Variants in PPP2R5D observed in about 807,000 individuals in gnomAD.
PPP2R5D encodes serine/threonine-protein phosphatase 2A 56 kDa regulatory subunit delta isoform.
Under a neutral mutation model 79.1 loss-of-function variants are expected in PPP2R5D, and 12 were observed. That is an observed-to-expected ratio of 0.15 (90% CI 0.10 to 0.25). PPP2R5D has a LOEUF of 0.25. Among genes scored for constraint, PPP2R5D ranks in the 10% least tolerant of loss-of-function variants. The probability of loss-of-function intolerance (pLI) is 1.00; values close to 1 mark genes in which losing one functional copy is unlikely to be tolerated. For missense variants in PPP2R5D, 419 were observed against 760.2 expected, an observed-to-expected ratio of 0.55 and a Z score of 5.28; for synonymous variants, 277 against 286.6, an observed-to-expected ratio of 0.97 and a Z score of 0.34.
At chr6:42,989,013 C>T (rs1477178113) in intron 1 of PPP2R5D, among the ~76,000 whole-genome samples, 1 of 152,230 alleles carries the variant, frequency 6.6e-6, no homozygotes, top group African/African-American at 2.4e-5. Flanking sequence ...ACCCCCATCC[C>T]TGTCTTAGTG....
intron 1 of PPP2R5D, among the ~76,000 whole-genome samples, chr6:42,989,117 C>G (rs139678883): frequency 0.019 from 2,828 of 152,318 alleles, 31 homozygotes; most frequent in South Asian, 0.03. Flanking sequence ...GAGTAGCACC[C>G]TCTTGTCTGT....
In PPP2R5D at chr6:43,012,202, G is replaced by T; in HGVS notation, c.*916G>T. The T allele has an allele frequency of 1.7e-6, 2 of 1,158,008 alleles. No individual in the cohort carries two copies. The highest frequency in any genetic ancestry group is 1.6e-5 in the African/African-American group (1 of 62,864). 71.7% of individuals were successfully genotyped at this position (1,158,008 alleles called of 1,614,324 possible). On this transcript the variant is annotated 3_prime_UTR_variant, in exon 16 of 16. Coordinates refer to ENST00000485511, the MANE Select transcript of PPP2R5D (RefSeq NM_006245.4). ...AGGGGCTGAGGAAGGCCGGACCCAG[G>T]TTCCAGGGGCGCAGGCAGTGCGGCT...
chr6:43,010,924 C>T lies in PPP2R5D; in HGVS notation c.1598C>T (p.Ser533Leu), dbSNP rs371525743. ...CCTCCACCACTGCCCCCTGTGTACTCGATGGAGACAGAGACCCCCACAGCT... is the reference window on the plus strand; with the variant it reads ...CCTCCACCACTGCCCCCTGTGTACTTGATGGAGACAGAGACCCCCACAGCT... ...RAPPPLPPVY[S>L]METETPTAED... Residue 533 changes from serine to leucine, a missense_variant, in exon 15 of 16, where the codon TCG becomes TTG. By Grantham distance (145) the Ser-to-Leu change is moderately radical (BLOSUM62 -2). Around this residue, in one of 5 missense-constraint regions of PPP2R5D, gnomAD observed 84 missense variants for 105.4 expected, o/e 0.80. Coordinates refer to ENST00000485511, the MANE Select transcript of PPP2R5D (RefSeq NM_006245.4). This position sits in a 1 kb window ranked among gnomAD's most constrained non-coding sequence, Gnocchi z 4.7. 4.1e-5 allele frequency: 66 copies of T among 1,613,970 alleles called. No individual in the cohort carries two copies. The highest frequency in any genetic ancestry group is 5.3e-5 in the Non-Finnish European group (62 of 1,180,034).
chr6:43,005,141 C>CTTTT, intron 2 of PPP2R5D, among the ~76,000 whole-genome samples: 1 of 120,056 alleles, frequency 8.3e-6, no homozygotes, highest in East Asian at 2.3e-4. Context: ...GTGCACAAAG[C>CTTTT]TTTTTTTTTT....
In PPP2R5D at chr6:43,007,311, C is replaced by T; in HGVS notation, c.633+5C>T. ...GCTGCTTGGCCACATCTCCAGGTACCAGGGCAAGGGGGCAGATTGGCCGTG... is the reference window on the plus strand; with the variant it reads ...GCTGCTTGGCCACATCTCCAGGTACTAGGGCAAGGGGGCAGATTGGCCGTG... On this transcript the variant is annotated splice_donor_5th_base_variant and intron_variant, in intron 5 of 15. Transcript: ENST00000485511. This position sits in a 1 kb window ranked among gnomAD's most constrained non-coding sequence, Gnocchi z 4.5. 1 of 1,613,844 alleles carries T rather than the reference C, an allele frequency of 6.2e-7. No homozygotes were observed. The highest frequency in any genetic ancestry group is 8.5e-7 in the Non-Finnish European group (1 of 1,179,726).
chr6:43,006,507 T>A lies in PPP2R5D; in HGVS notation c.150T>A (p.Ser50=). ...CCCAGCCCCAGCCCCAAGCCCAGTC[T>A]CAGCCACCGTCATCCAACAAGCGTC... ...PQPQPQPQAQ[S]QPPSSNKRPS... Residue 50 remains serine, a synonymous_variant, in exon 3 of 16, where the codon TCT becomes TCA. Coordinates refer to ENST00000485511, the MANE Select transcript of PPP2R5D (RefSeq NM_006245.4). The surrounding 1 kb of genome is among the most constrained non-coding windows in gnomAD (Gnocchi z 4.7). 2 of 1,613,548 alleles carry A rather than the reference T, an allele frequency of 1.2e-6. No homozygotes were observed. Among genetic ancestry groups the A allele is most frequent in the Non-Finnish European group, 1.7e-6 (2 of 1,179,868 alleles).
intron 2 of PPP2R5D, among the ~76,000 whole-genome samples, chr6:43,003,566 A>G (rs1761892180): frequency 6.6e-6 from 1 of 152,202 alleles, no homozygotes; most frequent in African/African-American, 2.4e-5. Flanking sequence ...TTAGAAATGC[A>G]GAAGTAATCT....
Position 43,007,337 on chromosome 6 carries a change from G to A in PPP2R5D, c.633+31G>A, listed in dbSNP as rs1407583242. ...AGGGCAAGGGGGCAGATTGGCCGTG[G>A]CTGCAGGGAGTGGGGCACTTGGAGG... On this transcript the variant is annotated intron_variant, in intron 5 of 15. Transcript: ENST00000485511. This position sits in a 1 kb window ranked among gnomAD's most constrained non-coding sequence, Gnocchi z 4.5. The A allele has an allele frequency of 6.2e-7, 1 of 1,610,992 alleles. No individual in the cohort carries two copies. The highest frequency in any genetic ancestry group is 1.3e-5 in the African/African-American group (1 of 74,868).
chr6:42,987,146 C>A (rs1770912865), intron 1 of PPP2R5D, among the ~76,000 whole-genome samples: 2 of 152,168 alleles, frequency 1.3e-5, no homozygotes, highest in African/African-American at 4.8e-5. Flanking sequence ...TTGCAGAACA[C>A]TTAGTAGGCC....
chr6:42,984,633 C>A lies in PPP2R5D; in HGVS notation c.-45C>A. 1 of 1,572,350 alleles carries A rather than the reference C, an allele frequency of 6.4e-7. No individual in the cohort carries two copies. ...CGAGTGCGGCCGAGCAAAGCCGGAG[C>A]CGGAGCGGGGCCGCAGGAGACGGGC... On this transcript the variant is annotated 5_prime_UTR_variant, in exon 1 of 16. Coordinates refer to ENST00000485511, the MANE Select transcript of PPP2R5D (RefSeq NM_006245.4).
chr6:43,006,966 T>C lies in PPP2R5D; in HGVS notation c.378T>C (p.Cys126=). 1 of 1,614,166 alleles carries C rather than the reference T, an allele frequency of 6.2e-7. No individual in the cohort carries two copies. Among genetic ancestry groups the C allele is most frequent in the South Asian group, 1.1e-5 (1 of 91,082 alleles). Reference sequence around the variant, plus strand: ...TTATCCAGAAGCTACGCCAGTGCTGTGTCCTCTTTGACTTCGTGTCAGACC... The same window carrying C: ...TTATCCAGAAGCTACGCCAGTGCTGCGTCCTCTTTGACTTCGTGTCAGACC... ...ELFIQKLRQC[C]VLFDFVSDPL... is the part of the protein sequence containing the mutation. The change falls in exon 4 of 16, where the codon TGT becomes TGC. Residue 126 remains cysteine, a synonymous_variant. Transcript: ENST00000485511. This position sits in a 1 kb window ranked among gnomAD's most constrained non-coding sequence, Gnocchi z 4.7.
intron 1 of PPP2R5D, among the ~76,000 whole-genome samples, chr6:42,988,425 C>T (rs1378656221): frequency 6.6e-6 from 1 of 152,218 alleles, no homozygotes; most frequent in Non-Finnish European, 1.5e-5. Context: ...TGATAAAATT[C>T]TTCCTTGTTT....
chr6:43,004,667 C>T (rs552944045), intron 2 of PPP2R5D, among the ~76,000 whole-genome samples: 1 of 151,034 alleles, frequency 6.6e-6, no homozygotes, highest in South Asian at 2.1e-4. Flanking sequence ...CAGACATTTC[C>T]CTTCCTCCAA....
chr6:42,996,450 C>T (rs559109286), intron 2 of PPP2R5D, among the ~76,000 whole-genome samples: 6 of 148,424 alleles, frequency 4.0e-5, no homozygotes, highest in Admixed American at 2.7e-4. Context: ...GGTGACAGAG[C>T]GAGACTCCGT....
intron 2 of PPP2R5D, among the ~76,000 whole-genome samples, chr6:42,996,370 C>T (rs77869593): frequency 0.087 from 13,126 of 151,246 alleles, 859 homozygotes; most frequent in African/African-American, 0.19. Context: ...GAGGCTGAGG[C>T]AGGAGAATGG....
At position 43,010,822 on chromosome 6, in the gene PPP2R5D, A is replaced by G; in HGVS notation, c.1555-59A>G. The G allele has an allele frequency of 6.3e-7, 1 of 1,596,126 alleles. No homozygotes were observed. The highest frequency in any genetic ancestry group is 8.6e-7 in the Non-Finnish European group (1 of 1,164,714). Reference sequence around the variant, plus strand: ...GTTTGTTGGGGGAGGAATATGGGGCACACAGGCCCCCAAGCCTCTGAAGTG... The same window carrying G: ...GTTTGTTGGGGGAGGAATATGGGGCGCACAGGCCCCCAAGCCTCTGAAGTG... On this transcript the variant is annotated intron_variant, in intron 14 of 15. Coordinates refer to ENST00000485511, the MANE Select transcript of PPP2R5D (RefSeq NM_006245.4). The surrounding 1 kb of genome is among the most constrained non-coding windows in gnomAD (Gnocchi z 4.7).
chr6:42,992,942 C>T (rs1397523091), intron 2 of PPP2R5D, among the ~76,000 whole-genome samples: 2 of 152,120 alleles, frequency 1.3e-5, no homozygotes, highest in African/African-American at 4.8e-5. Context: ...AGGTGGATCA[C>T]CTGAGGTCAG....
At chr6:42,985,275 C>T (rs1002345935) in intron 1 of PPP2R5D, among the ~76,000 whole-genome samples, 1 of 152,194 alleles carries the variant, frequency 6.6e-6, no homozygotes, top group Admixed American at 6.6e-5. Flanking sequence ...TCTAGTTCTT[C>T]CTTCACACAC....
At position 43,006,832 on chromosome 6, in the gene PPP2R5D, A is replaced by T; in HGVS notation, c.323-79A>T. 2 of 1,585,772 alleles carry T rather than the reference A, an allele frequency of 1.3e-6. No homozygotes were observed. Among genetic ancestry groups the T allele is most frequent in the Non-Finnish European group, 1.7e-6 (2 of 1,158,974 alleles). On this transcript the variant is annotated intron_variant, in intron 3 of 15. Coordinates refer to ENST00000485511, the MANE Select transcript of PPP2R5D (RefSeq NM_006245.4). This position sits in a 1 kb window ranked among gnomAD's most constrained non-coding sequence, Gnocchi z 4.7. ...GAGCAGGATGGTGGCAGGGTGGGGTAAGGGAAAGCCCTTGAAGGCAAGCAG... is the reference window on the plus strand; with the variant it reads ...GAGCAGGATGGTGGCAGGGTGGGGTTAGGGAAAGCCCTTGAAGGCAAGCAG...
Sources: gnomAD v4.1 joint callset for allele counts (sites outside exome capture counted in the v4.1 genomes callset) on GRCh38, gnomAD v4.1.1 for gene constraint, gnomAD v4.1.1 regional missense constraint, Gnocchi (gnomAD v3.1) non-coding constraint, MANE v1.5 for transcripts, NCBI Gene and HGNC (gene_info 2026-07-23, HGNC 2026-07-21) for gene names.